Variants in TP63 observed in about 807,000 individuals in gnomAD.
TP63 encodes the protein tumor protein 63.
A neutral mutation model predicts 82.8 loss-of-function variants in TP63; 17 were observed. The ratio of observed to expected loss-of-function variants is 0.21; its 90% CI spans 0.14 to 0.31. The LOEUF is 0.31. TP63 is among the 10% of genes least tolerant of loss of function. The probability of loss-of-function intolerance (pLI) is 1.00; values close to 1 mark genes in which losing one functional copy is unlikely to be tolerated. For synonymous variants in TP63, 330 were observed against 321.7 expected (o/e 1.03, Z -0.28); for missense variants, 648 against 895.3 (o/e 0.72, Z 3.52).
At chr3:189,832,359 C>A (rs868100325) in intron 4 of TP63, among the ~76,000 whole-genome samples, 4 of 152,246 alleles carry the variant, frequency 2.6e-5, no homozygotes, top group South Asian at 2.1e-4. Context: ...GGAGGTCACT[C>A]AGGGCCAACT....
intron 3 of TP63, among the ~76,000 whole-genome samples, chr3:189,779,009 C>T (rs1473778644): frequency 1.3e-5 from 2 of 152,050 alleles, no homozygotes; most frequent in Non-Finnish European, 2.9e-5. Flanking sequence ...CTTTATATGA[C>T]TTATAATGAA....
At chr3:189,641,284 A>G (rs947823743) in intron 1 of TP63, among the ~76,000 whole-genome samples, 28 of 152,226 alleles carry the variant, frequency 1.8e-4, no homozygotes, top group African/African-American at 6.7e-4. Flanking sequence ...TTTGGTTCTG[A>G]AATAATCTTA....
chr3:189,804,314 A>G (rs773753271), intron 3 of TP63, among the ~76,000 whole-genome samples: 8 of 152,246 alleles, frequency 5.3e-5, no homozygotes, highest in Non-Finnish European at 1.2e-4. Context: ...AATAAGGGAT[A>G]GATATTATTC....
intron 1 of TP63, among the ~76,000 whole-genome samples, chr3:189,638,736 T>C (rs1387412878): frequency 6.6e-6 from 1 of 152,140 alleles, no homozygotes; most frequent in Non-Finnish European, 1.5e-5. Context: ...TCTAGACTTT[T>C]TGGTGTTGGA....
chr3:189,624,715 A>T, the TP63 span, among the ~76,000 whole-genome samples: 1 of 152,210 alleles, frequency 6.6e-6, no homozygotes, highest in Non-Finnish European at 1.5e-5. Flanking sequence ...TTAAATATTG[A>T]TGATATTAAT....
intron 10 of TP63, among the ~76,000 whole-genome samples, chr3:189,882,135 A>G (rs902570221): frequency 2.0e-5 from 3 of 152,098 alleles, no homozygotes; most frequent in African/African-American, 7.2e-5. Flanking sequence ...GTGTTTTTCA[A>G]TTGGTCTAAT....
chr3:189,624,779 T>C, the TP63 span, among the ~76,000 whole-genome samples: 359 of 152,260 alleles, frequency 2.4e-3, no homozygotes, highest in African/African-American at 8.3e-3. Flanking sequence ...TTCACATACT[T>C]CCCATGCCAA....
intron 4 of TP63, among the ~76,000 whole-genome samples, chr3:189,830,203 A>G (rs949023697): frequency 6.6e-6 from 1 of 152,236 alleles, no homozygotes; most frequent in African/African-American, 2.4e-5. Context: ...TGTCTAGTGA[A>G]AAAAGCTAGA....
intron 1 of TP63, among the ~76,000 whole-genome samples, chr3:189,634,954 AT>A (rs1729686832): frequency 6.6e-6 from 1 of 152,002 alleles, no homozygotes; most frequent in South Asian, 2.1e-4. Flanking sequence ...TGCAAAATTT[AT>A]TTTTTAACAA....
At chr3:189,692,331 C>T (rs1716998177) in intron 1 of TP63, among the ~76,000 whole-genome samples, 1 of 151,912 alleles carries the variant, frequency 6.6e-6, no homozygotes. Flanking sequence ...TCCCTCTGTT[C>T]TCTATTTCTT....
chr3:189,657,763 T>C (rs1242897837), intron 1 of TP63, among the ~76,000 whole-genome samples: 1 of 152,082 alleles, frequency 6.6e-6, no homozygotes, highest in Non-Finnish European at 1.5e-5. Context: ...GTATTAGATA[T>C]GGATGGTTAT....
chr3:189,703,401 G>C (rs977914539), intron 1 of TP63, among the ~76,000 whole-genome samples: 2 of 142,918 alleles, frequency 1.4e-5, no homozygotes, highest in African/African-American at 5.2e-5. Flanking sequence ...ACTCCAGCTT[G>C]GGTGACAGAG....
At chr3:189,671,013 AAAAC>A (rs1186949153) in intron 1 of TP63, among the ~76,000 whole-genome samples, 1 of 152,144 alleles carries the variant, frequency 6.6e-6, no homozygotes, top group Non-Finnish European at 1.5e-5. Context: ...ACAGGCAACA[AAAAC>A]AAAAAGACAA....
rs1725902909 is a variant in TP63, at chr3:189,798,099, C to G, written c.325-10173C>G. Among the ~76,000 whole-genome samples, 4 of 152,132 alleles carry G rather than the reference C, an allele frequency of 2.6e-5. No individual in the cohort carries two copies. In the South Asian group the frequency reaches 8.3e-4, roughly 32 times the overall value. ...TCTCTGTATCCCCTACAGGGCCACT[C>G]AGTAATGTTCCCTGAATGTGATGAG... On this transcript the variant is annotated intron_variant, in intron 3 of 13. Transcript: ENST00000264731.
the TP63 span, among the ~76,000 whole-genome samples, chr3:189,620,935 A>G: frequency 6.6e-6 from 1 of 152,154 alleles, no homozygotes; most frequent in Non-Finnish European, 1.5e-5. Context: ...CTTAGCTTTC[A>G]TTCATCTTGG....
At chr3:189,822,276 A>G (rs1728875101) in intron 4 of TP63, among the ~76,000 whole-genome samples, 1 of 152,334 alleles carries the variant, frequency 6.6e-6, no homozygotes, top group East Asian at 1.9e-4. Context: ...GTCCAGAATC[A>G]TAGCAGGAAA....
At chr3:189,614,460 C>G in the TP63 span, among the ~76,000 whole-genome samples, 4 of 152,176 alleles carry the variant, frequency 2.6e-5, no homozygotes, top group African/African-American at 7.2e-5. Context: ...TCTTTATCAG[C>G]AGCATGAAAA....
intron 1 of TP63, among the ~76,000 whole-genome samples, chr3:189,726,594 TAATGAG>T (rs1394176557): frequency 6.6e-6 from 1 of 152,150 alleles, no homozygotes; most frequent in Non-Finnish European, 1.5e-5. Flanking sequence ...GCTAAAATAT[TAATGAG>T]GATGGTAAGA....
rs904852634 is a variant in TP63 at position 189,643,992 on chromosome 3, C to A, written c.62+12415C>A. Among the ~76,000 whole-genome samples, 6 of 152,178 alleles carry A rather than the reference C, an allele frequency of 3.9e-5. No homozygotes were observed. In the East Asian group the frequency reaches 1.2e-3, roughly 29 times the overall value. ...TTACATGGCTCCATTTTCCTCTTTACTGTGGCATCTCATCTGCCAGTTCTT... is the reference window on the plus strand; with the variant it reads ...TTACATGGCTCCATTTTCCTCTTTAATGTGGCATCTCATCTGCCAGTTCTT... On this transcript the variant is annotated intron_variant, in intron 1 of 13. Transcript: ENST00000264731.
Sources: allele counts gnomAD v4.1 joint callset (sites outside exome capture counted in the v4.1 genomes callset), GRCh38; gene constraint gnomAD v4.1.1; transcripts MANE v1.5; gene names NCBI Gene and HGNC (gene_info 2026-07-23, HGNC 2026-07-21).